The following ASTN1 variants were observed in gnomAD, a reference collection of about 807,000 sequenced individuals.
ASTN1 encodes the protein astrotactin 1, also known as astrotactin-1.
Under a neutral mutation model 140.7 loss-of-function variants are expected in ASTN1, and 41 were observed. The observed-to-expected ratio is 0.29, with a 90% CI of 0.23 to 0.38. The LOEUF is 0.38. Among genes scored for constraint, ASTN1 ranks in the 10% least tolerant of loss-of-function variants. ASTN1 has a pLI of 1.00. For synonymous variants in ASTN1, 640 were observed against 652.2 expected (o/e 0.98, Z 0.29); for missense variants, 1,479 against 1,678.8 (o/e 0.88, Z 2.08).
Position 176,965,227 on chromosome 1 carries a change from A to C in ASTN1, c.1534T>G (p.Tyr512Asp). The C allele has an allele frequency of 6.2e-7, 1 of 1,613,984 alleles. No individual in the cohort carries two copies. Among genetic ancestry groups the C allele is most frequent in the Non-Finnish European group, 8.5e-7 (1 of 1,179,868 alleles). ...TCAAAGCCTCGCTGAAATATTGTGT[A>C]AGGCCATGGCCTAAAAGAAGAAACA... ...EWGTNQGPWP[Y>D]TIFQRGFDLV... The change falls in exon 9 of 23, where the codon TAC becomes GAC. Residue 512 changes from tyrosine to aspartate, a missense_variant. By Grantham distance (160) the Tyr-to-Asp change is radical. Coordinates refer to ENST00000361833, the MANE Select transcript of ASTN1 (RefSeq NM_004319.3).
intron 1 of ASTN1, among the ~76,000 whole-genome samples, chr1:177,129,303 A>G (rs935721263): frequency 5.3e-5 from 8 of 152,216 alleles, no homozygotes; most frequent in African/African-American, 1.9e-4. Flanking sequence ...TGAATGGAAG[A>G]GATCATTATA....
intron 21 of ASTN1, among the ~76,000 whole-genome samples, chr1:176,876,145 A>G (rs1217506989): frequency 6.6e-6 from 1 of 152,202 alleles, no homozygotes; most frequent in Non-Finnish European, 1.5e-5. Flanking sequence ...GCCTTGCTGT[A>G]TATGTTAATT....
intron 9 of ASTN1, among the ~76,000 whole-genome samples, chr1:176,959,102 T>C (rs1051853522): frequency 7.5e-5 from 7 of 93,862 alleles, no homozygotes; most frequent in African/African-American, 2.5e-4. Context: ...ACAGGGAAGA[T>C]TTTTTTTTTA....
intron 9 of ASTN1, among the ~76,000 whole-genome samples, chr1:176,962,524 C>G (rs556083315): frequency 6.6e-5 from 10 of 152,130 alleles, no homozygotes; most frequent in Non-Finnish European, 1.3e-4. Context: ...AGAAGAACAT[C>G]ATTTCATTGG....
chr1:177,149,569 CTGTA>C (rs1313801069), intron 1 of ASTN1, among the ~76,000 whole-genome samples: 2 of 52,196 alleles, frequency 3.8e-5, no homozygotes, highest in Non-Finnish European at 5.3e-5. Context: ...TATATATACA[CTGTA>C]TATATATAGT....
chr1:177,136,291 T>C (rs1290674146), intron 1 of ASTN1, among the ~76,000 whole-genome samples: 2 of 152,176 alleles, frequency 1.3e-5, no homozygotes, highest in Non-Finnish European at 2.9e-5. Context: ...GAATAGTCTC[T>C]ACATGTTTCA....
intron 1 of ASTN1, among the ~76,000 whole-genome samples, chr1:177,107,661 C>G (rs1680617013): frequency 6.6e-6 from 1 of 152,184 alleles, no homozygotes. Flanking sequence ...CCAGACAGCC[C>G]TCACCAGCTC....
chr1:176,927,017 C>A (rs1670998878), intron 16 of ASTN1, among the ~76,000 whole-genome samples: 1 of 152,186 alleles, frequency 6.6e-6, no homozygotes, highest in African/African-American at 2.4e-5. Flanking sequence ...GCTTTATCCA[C>A]ATAAAAACGT....
downstream of ASTN1, among the ~76,000 whole-genome samples, chr1:176,860,599 C>G (rs867220301): frequency 6.6e-6 from 1 of 151,736 alleles, no homozygotes; most frequent in Non-Finnish European, 1.5e-5. Context: ...CTGGGAGGGC[C>G]TTTTGCAACA....
intron 1 of ASTN1, among the ~76,000 whole-genome samples, chr1:177,064,557 G>C (rs1678256321): frequency 1.3e-5 from 2 of 152,172 alleles, no homozygotes; most frequent in South Asian, 4.1e-4. Context: ...CTCCCATGGG[G>C]AGGTGGGCTG....
rs227501 is a variant in ASTN1, at chr1:177,110,850, A to G, written c.284-49585T>C. 8.2e-3 allele frequency among the ~76,000 whole-genome samples: 1,253 copies of G among 152,314 alleles called. 19 individuals are homozygous for G. Among genetic ancestry groups the G allele is most frequent in the African/African-American group, 0.028 (1,172 of 41,572 alleles). On this transcript the variant is annotated intron_variant, in intron 1 of 22. Transcript: ENST00000361833. ...AAAAAGAAATGTGAAAAGTCCTCCA[A>G]TTTCAGGTTACCTCTAATATAGGAT... is the stretch of plus-strand genomic sequence containing the variant.
At chr1:177,104,481 CAT>C (rs1433824337) in intron 1 of ASTN1, among the ~76,000 whole-genome samples, 2 of 152,070 alleles carry the variant, frequency 1.3e-5, no homozygotes. Context: ...TATTGGACCA[CAT>C]GTGTTTGTGC....
At position 176,946,026 on chromosome 1, in the gene ASTN1, C is replaced by T. The variant is rs201240057; in HGVS notation, c.2149G>A (p.Glu717Lys). The T allele has an allele frequency of 1.6e-4, 254 of 1,613,998 alleles. No homozygotes were observed. The highest frequency in any genetic ancestry group is 1.5e-4 in the Non-Finnish European group (180 of 1,179,990). Residue 717 changes from glutamate (E) to lysine (K), a missense_variant, in exon 13 of 23, where the codon GAG (glutamate) becomes AAG (lysine). Around this residue, in one of 3 missense-constraint regions of ASTN1, gnomAD observed 746 missense variants for 800.9 expected, o/e 0.93. Transcript: ENST00000361833. ...AAGAGGGTCTGGTTCATGGGAAGCT[C>T]CCTGCTTTCCCCACAGTCACTTCCC... ...PEGSDCGESR[E>K]LPMNQTLFGE...
At chr1:176,886,254 CAT>C (rs1669026555) in intron 18 of ASTN1, among the ~76,000 whole-genome samples, 1 of 152,168 alleles carries the variant, frequency 6.6e-6, no homozygotes, top group Non-Finnish European at 1.5e-5. Context: ...CCTTAATAGA[CAT>C]TTACTGTTTA....
In ASTN1 at chr1:176,958,555, C is replaced by G; in HGVS notation, c.1599-73G>C. 2.0e-6 allele frequency: 3 copies of G among 1,480,600 alleles called. No individual in the cohort carries two copies. The Admixed American group carries it at 7.5e-5, about 37-fold the overall frequency. 91.7% of individuals were successfully genotyped at this position (1,480,600 alleles called of 1,614,324 possible). On this transcript the variant is annotated intron_variant, in intron 9 of 22. Coordinates refer to ENST00000361833, the MANE Select transcript of ASTN1 (RefSeq NM_004319.3). ...CTCACCACTGGGGGATCTAGCATTC[C>G]ATTACCAGTGCTTTCTTCTCACCCT...
At chr1:176,999,885 A>T (rs757251331) in intron 8 of ASTN1, among the ~76,000 whole-genome samples, 1 of 152,120 alleles carries the variant, frequency 6.6e-6, no homozygotes, top group Non-Finnish European at 1.5e-5. Context: ...TGTTTATAAG[A>T]TTCCTGAGGC....
chr1:177,030,805 C>T lies in ASTN1; in HGVS notation c.1012+1G>A. 1 of 1,614,074 alleles carries T rather than the reference C, an allele frequency of 6.2e-7. No individual in the cohort carries two copies. Among genetic ancestry groups the T allele is most frequent in the Non-Finnish European group, 8.5e-7 (1 of 1,179,958 alleles). On this transcript the variant is annotated splice_donor_variant, in intron 4 of 22. Coordinates refer to ENST00000361833, the MANE Select transcript of ASTN1 (RefSeq NM_004319.3). LOFTEE classifies it high-confidence loss of function. ...CGAGCCCTAATGTCAGACATGCATA[C>T]CTCTTGCTTTGTTGTTGATCCGCTT...
In ASTN1 at chr1:177,145,519, G is replaced by C. The variant is rs529091901; in HGVS notation, c.283+18875C>G. ...TCCCATATGGCCGAAGGGAATGGAA[G>C]CTGAAGGCAGCAAATCTAATTAGAA... On this transcript the variant is annotated intron_variant, in intron 1 of 22. Coordinates refer to ENST00000361833, the MANE Select transcript of ASTN1 (RefSeq NM_004319.3). 5.8e-4 allele frequency among the ~76,000 whole-genome samples: 88 copies of C among 152,240 alleles called. 1 individual carries two copies. Among genetic ancestry groups the C allele is most frequent in the Non-Finnish European group, 2.1e-4 (14 of 68,048 alleles).
chr1:176,863,651 C>G lies in ASTN1; in HGVS notation c.*633G>C. 1 of 985,524 alleles carries G rather than the reference C, an allele frequency of 1.0e-6. No homozygotes were observed. The highest frequency in any genetic ancestry group is 1.7e-5 in the African/African-American group (1 of 57,342). The allele number at this position is 985,524 out of a possible 1,614,324, so 61.0% of individuals were successfully genotyped here. ...TTAAAATAAGGAAGGATCTCAAAAC[C>G]CAAGTGGCCCACTGGGGCCTATAAT... On this transcript the variant is annotated 3_prime_UTR_variant, in exon 23 of 23. Transcript: ENST00000361833.
Sources: gnomAD v4.1 joint callset for allele counts (sites outside exome capture counted in the v4.1 genomes callset) on GRCh38, gnomAD v4.1.1 for gene constraint, gnomAD v4.1.1 regional missense constraint, MANE v1.5 for transcripts, NCBI Gene and HGNC (gene_info 2026-07-23, HGNC 2026-07-21) for gene names.